SUB1: variants seen among roughly 807,000 people sequenced by gnomAD.
SUB1 encodes the protein SUB1 regulator of transcription.
Under a neutral mutation model 16.9 loss-of-function variants are expected in SUB1, and 1 was observed. That is an observed-to-expected ratio of 0.06 (90% CI 0.02 to 0.28). The LOEUF (loss-of-function observed/expected upper bound fraction) is 0.28, where lower values mean the gene tolerates loss of function less well. Ranked by LOEUF, SUB1 falls within the 10% of genes least tolerant of loss-of-function variation. The pLI, the probability that SUB1 is intolerant of heterozygous loss-of-function variation, is 1.00. For synonymous variants in SUB1, 51 were observed against 46.9 expected, an observed-to-expected ratio of 1.09 and a Z score of -0.36; for missense variants, 84 against 145.2, an observed-to-expected ratio of 0.58 and a Z score of 2.16.
At position 32,591,640 on chromosome 5, in the gene SUB1, ATCT is replaced by A; in HGVS notation, c.154_156del (p.Ser52del). The A allele has an allele frequency of 6.2e-7, 1 of 1,610,390 alleles. No homozygotes were observed. The highest frequency in any genetic ancestry group is 8.5e-7 in the Non-Finnish European group (1 of 1,178,710). ...CAGGTGAGACTTCGAGAGCCCTGTC[ATCT>A]TCTAAACAGAGCAGCAGCAGCAGAG... On this transcript the variant is annotated inframe_deletion, in exon 3 of 5. Transcript: ENST00000265073.
chr5:32,599,791 C>A (rs773878031), intron 4 of SUB1, among the ~76,000 whole-genome samples: 1 of 151,798 alleles, frequency 6.6e-6, no homozygotes, highest in Non-Finnish European at 1.5e-5. Context: ...AATTCACGTA[C>A]CAGAGTGGCC....
At chr5:32,595,330 G>C (rs1738932463) in intron 3 of SUB1, 1 of 152,096 alleles carries the variant, frequency 6.6e-6, no homozygotes, top group South Asian at 2.1e-4. Flanking sequence ...GTTCCTCTTG[G>C]CTTTACAGTC....
At chr5:32,594,517 G>T in intron 3 of SUB1, 2 of 430,116 alleles carry the variant, frequency 4.6e-6, no homozygotes, top group Admixed American at 2.5e-5. Context: ...TTAATCTGGG[G>T]CAGGAGTCCA....
chr5:32,586,354 C>T (rs1738668801), intron 1 of SUB1: 1 of 152,132 alleles, frequency 6.6e-6, no homozygotes, highest in East Asian at 1.9e-4. Context: ...TTTTTCTGAT[C>T]TTTCCCTCAA....
intron 1 of SUB1, among the ~76,000 whole-genome samples, chr5:32,586,661 C>T (rs1302108356): frequency 6.6e-6 from 1 of 152,062 alleles, no homozygotes; most frequent in African/African-American, 2.4e-5. Context: ...TCGACAGTTT[C>T]AAAGTGAAAA....
chr5:32,588,723 C>A, intron 2 of SUB1, 139 bp downstream of exon 2: 1 of 776,100 alleles, frequency 1.3e-6, no homozygotes, highest in Non-Finnish European at 1.9e-6. Context: ...TGTTATCCTA[C>A]TTCTTTGGGA....
chr5:32,588,718 T>C (rs889666304), intron 2 of SUB1, 134 bp downstream of exon 2: 16 of 818,668 alleles, frequency 2.0e-5, no homozygotes, highest in East Asian at 6.0e-5. Context: ...ATGCCTGTTA[T>C]CCTACTTCTT....
chr5:32,596,304 C>G lies in SUB1; in HGVS notation c.196-2657C>G, dbSNP rs375072793. On this transcript the variant is annotated intron_variant, in intron 3 of 4. Transcript: ENST00000265073. ...AGGCTCTCCTCGAAGGCCAAGACCCCTGTGGCTCCAACTTGAGTGAATATT... is the reference window on the plus strand; with the variant it reads ...AGGCTCTCCTCGAAGGCCAAGACCCGTGTGGCTCCAACTTGAGTGAATATT... The G allele has an allele frequency of 5.9e-5, 9 of 152,330 alleles. No homozygotes were observed. In the East Asian group the frequency reaches 1.5e-3, roughly 26 times the overall value. The allele number at this position is 152,330 out of a possible 1,614,324, so 9.4% of individuals were successfully genotyped here.
chr5:32,594,061 AT>A (rs1738896910), intron 3 of SUB1, among the ~76,000 whole-genome samples: 1 of 152,160 alleles, frequency 6.6e-6, no homozygotes, highest in Admixed American at 6.6e-5. Context: ...ATGATACTTA[AT>A]TTCATTGCCA....
intron 3 of SUB1, chr5:32,596,260 A>G (rs1450204048): frequency 6.6e-6 from 1 of 152,178 alleles, no homozygotes; most frequent in Non-Finnish European, 1.5e-5. Context: ...CTTCACGTCC[A>G]CGGTTCTGCT....
chr5:32,593,024 T>G (rs1341647854), intron 3 of SUB1, among the ~76,000 whole-genome samples: 1 of 152,148 alleles, frequency 6.6e-6, no homozygotes, highest in Non-Finnish European at 1.5e-5. Context: ...CTACAATTTT[T>G]TTTTTGAGAC....
rs1043427661 is a variant in SUB1 at position 32,602,915 on chromosome 5, A to G, written c.*1831A>G. 6.6e-6 allele frequency: 1 copy of G among 152,102 alleles called. No individual in the cohort carries two copies. The highest frequency in any genetic ancestry group is 1.5e-5 in the Non-Finnish European group (1 of 67,992). 9.4% of individuals were successfully genotyped at this position (152,102 alleles called of 1,614,324 possible). A position where few individuals can be genotyped will look rare whatever the true frequency, so the allele number is the denominator to read the frequency against. On this transcript the variant is annotated 3_prime_UTR_variant, in exon 5 of 5. Transcript: ENST00000265073. ...TTAACTTAATTGGATAGATTTTTAA[A>G]TATTTCTTATTTTTGGCACACGGAA...
chr5:32,590,330 A>G (rs964004012), intron 2 of SUB1, among the ~76,000 whole-genome samples: 4 of 152,056 alleles, frequency 2.6e-5, no homozygotes, highest in African/African-American at 4.8e-5. Context: ...TCCATCAAGA[A>G]GGAACATGAC....
intron 4 of SUB1, among the ~76,000 whole-genome samples, chr5:32,600,761 G>C (rs1012134519): frequency 6.6e-6 from 1 of 151,968 alleles, no homozygotes; most frequent in Non-Finnish European, 1.5e-5. Flanking sequence ...CCACCACCAT[G>C]CCCGGCTAAT....
chr5:32,591,154 T>C (rs1035171884), intron 2 of SUB1: 1 of 153,350 alleles, frequency 6.5e-6, no homozygotes, highest in Non-Finnish European at 1.5e-5. Context: ...AAGTTGGTTA[T>C]ATTCTTTTTA....
intron 3 of SUB1, among the ~76,000 whole-genome samples, chr5:32,592,165 GATT>G (rs138470191): frequency 1.9e-3 from 288 of 152,320 alleles, no homozygotes; most frequent in African/African-American, 6.8e-3. Flanking sequence ...TACGATGCTG[GATT>G]ATTGTTAAAG....
chr5:32,590,209 T>A (rs2111658674), intron 2 of SUB1, among the ~76,000 whole-genome samples: 1 of 152,342 alleles, frequency 6.6e-6, no homozygotes, highest in East Asian at 1.9e-4. Flanking sequence ...ACACTTAACC[T>A]TGTATACCAC....
intron 1 of SUB1, among the ~76,000 whole-genome samples, chr5:32,587,673 T>G (rs371603563): frequency 6.6e-6 from 1 of 151,944 alleles, no homozygotes; most frequent in Non-Finnish European, 1.5e-5. Flanking sequence ...TGCAATGATG[T>G]GACCTTGTGT....
At position 32,603,494 on chromosome 5, in the gene SUB1, A is replaced by G. The variant is rs1739166096; in HGVS notation, c.*2410A>G. ...TCTTCGTTTTTAAAATGTGAGTAGCATTTGACCAATTTCCAGTGCTCTTAG... is the reference window on the plus strand; with the variant it reads ...TCTTCGTTTTTAAAATGTGAGTAGCGTTTGACCAATTTCCAGTGCTCTTAG... On this transcript the variant is annotated 3_prime_UTR_variant, in exon 5 of 5. Coordinates refer to ENST00000265073, the MANE Select transcript of SUB1 (RefSeq NM_006713.4). The G allele has an allele frequency of 6.6e-6, 1 of 152,136 alleles. No individual in the cohort carries two copies. The highest frequency in any genetic ancestry group is 2.1e-4 in the South Asian group (1 of 4,836). 9.4% of individuals were successfully genotyped at this position (152,136 alleles called of 1,614,324 possible).
Sources: gnomAD v4.1 joint callset for allele counts (sites outside exome capture counted in the v4.1 genomes callset) on GRCh38, gnomAD v4.1.1 for gene constraint, MANE v1.5 for transcripts, NCBI Gene and HGNC (gene_info 2026-07-23, HGNC 2026-07-21) for gene names.